Variants in HSPG2 observed in about 807,000 individuals in gnomAD.
HSPG2 encodes the protein heparan sulfate proteoglycan 2.
HSPG2 carries 278 observed loss-of-function variants against 526.6 expected under a neutral mutation model. The ratio of observed to expected loss-of-function variants is 0.53; its 90% CI spans 0.48 to 0.58. The LOEUF is 0.58. HSPG2 is among the 20% of genes least tolerant of loss of function. HSPG2 has a pLI of 0.00. For missense variants in HSPG2, 5,354 were observed against 6,099.5 expected (o/e 0.88, Z 4.07); for synonymous variants, 2,465 against 2,555.4 (o/e 0.96, Z 1.07).
intron 91 of HSPG2, among the ~76,000 whole-genome samples, chr1:21,826,260 A>G (rs1355491788): frequency 6.6e-5 from 10 of 151,802 alleles, no homozygotes; most frequent in Admixed American, 3.3e-4. Context: ...TGTAGAGATG[A>G]GGTCTCCCTG....
Position 21,829,567 on chromosome 1 carries a change from G to T in HSPG2, c.11808C>A (p.Gly3936=), listed in dbSNP as rs2097992852. The T allele has an allele frequency of 6.2e-7, 1 of 1,609,648 alleles. No homozygotes were observed. Among genetic ancestry groups the T allele is most frequent in the Non-Finnish European group, 8.5e-7 (1 of 1,177,576 alleles). ...TGAGGGCGGGCAGTGCCAGGTAGGA[G>T]CCAGCACCCGACAGCGAGGGGGTGG... ...TVTTPSLSGA[G]SYLALPALTN... The change falls in exon 87 of 97, where the codon GGC becomes GGA. Residue 3936 remains glycine, a synonymous_variant. Coordinates refer to ENST00000374695, the MANE Select transcript of HSPG2 (RefSeq NM_005529.7).
chr1:21,858,497 C>A lies in HSPG2; in HGVS notation c.5293+1069G>T, dbSNP rs1451459225. Among the ~76,000 whole-genome samples the A allele has an allele frequency of 6.6e-6, 1 of 152,222 alleles. No homozygotes were observed. The highest frequency in any genetic ancestry group is 1.5e-5 in the Non-Finnish European group (1 of 68,046). On this transcript the variant is annotated intron_variant, in intron 42 of 96. Transcript: ENST00000374695. This position sits in a 1 kb window ranked among gnomAD's most constrained non-coding sequence, Gnocchi z 4.2. The stretch of plus-strand genomic sequence containing the variant: ...TCCCTGTGCCAACAGCAACCATACT[C>A]ATTTCTCTGGCTGGGGCCTCTTACT...
At chr1:21,889,448 A>G (rs1182845333) in intron 6 of HSPG2, among the ~76,000 whole-genome samples, 1 of 152,222 alleles carries the variant, frequency 6.6e-6, no homozygotes, top group Non-Finnish European at 1.5e-5. Context: ...TGCTTCTGTC[A>G]TCACAGGTTC....
chr1:21,831,544 C>T lies in HSPG2; in HGVS notation c.11371G>A (p.Asp3791Asn). The T allele has an allele frequency of 6.2e-7, 1 of 1,614,106 alleles. No individual in the cohort carries two copies. The highest frequency in any genetic ancestry group is 8.5e-7 in the Non-Finnish European group (1 of 1,179,994). Residue 3791 changes from aspartate (D) to asparagine (N), a missense_variant, in exon 83 of 97, where the codon GAT (aspartate) becomes AAT (asparagine). By Grantham distance (23) the Asp-to-Asn change is conservative. Coordinates refer to ENST00000374695, the MANE Select transcript of HSPG2 (RefSeq NM_005529.7). ...GTSQGKFQGL[D>N]LNEELYLGGY... ...CCCAGGTAGAGTTCCTCGTTCAGAT[C>T]CAGGCCCTGGAACTTGCCCTGGGGA...
intron 3 of HSPG2, among the ~76,000 whole-genome samples, chr1:21,892,304 T>TC (rs755248817): frequency 6.6e-5 from 10 of 151,138 alleles, no homozygotes; most frequent in African/African-American, 2.2e-4. Flanking sequence ...CCATTGAGAG[T>TC]CCCCCCACCC....
rs759949207 is a variant in HSPG2 at position 21,880,646 on chromosome 1, C to G, written c.1998+10G>C. 2.3e-5 allele frequency: 37 copies of G among 1,592,444 alleles called. No individual in the cohort carries two copies. The South Asian group carries it at 4.2e-4, about 18-fold the overall frequency. On this transcript the variant is annotated intron_variant, in intron 15 of 96. Coordinates refer to ENST00000374695, the MANE Select transcript of HSPG2 (RefSeq NM_005529.7). Reference sequence around the variant, plus strand: ...TTGCTCCCAGCCCTAAGGGCTCAGGCGCCACCCACCTCAGAGAACTGGACC... The same window carrying G: ...TTGCTCCCAGCCCTAAGGGCTCAGGGGCCACCCACCTCAGAGAACTGGACC...
Position 21,853,050 on chromosome 1 carries a change from T to C in HSPG2, c.6460A>G (p.Ile2154Val), listed in dbSNP as rs1220269515. 1.9e-6 allele frequency: 3 copies of C among 1,613,872 alleles called. No homozygotes were observed. The South Asian group carries it at 3.3e-5, about 18-fold the overall frequency. The change falls in exon 51 of 97, where the codon ATC becomes GTC. Residue 2154 changes from isoleucine to valine, a missense_variant. Ile to Val is a conservative substitution (Grantham distance 29). Coordinates refer to ENST00000374695, the MANE Select transcript of HSPG2 (RefSeq NM_005529.7). ...TGTGAGGAGGAGGGCTCGATGCGGA[T>C]GGGCCGGGTGCTGCCGGGCACTGGA... The part of the protein sequence containing the change: ...YTPVPGSTRP[I>V]RIEPSSSHVA...
rs1368598061 is a variant in HSPG2 at position 21,828,929 on chromosome 1, A to G, written c.12143T>C (p.Leu4048Pro). The G allele has an allele frequency of 1.3e-6, 2 of 1,569,632 alleles. No homozygotes were observed. The highest frequency in any genetic ancestry group is 1.7e-4 in the Middle Eastern group (1 of 5,932). ...ACCCCCCAGGTAGAGCAGGGTGTGC[A>G]GGTTGAGGCCCTGGCTCTTGCCGGG... ...SSPGKSQGLN[L>P]HTLLYLGGVE... The change falls in exon 88 of 97, where the codon CTG becomes CCG. Residue 4048 changes from leucine to proline, a missense_variant. By Grantham distance (98) the Leu-to-Pro change is moderately conservative. Transcript: ENST00000374695. This position sits in a 1 kb window ranked among gnomAD's most constrained non-coding sequence, Gnocchi z 6.0.
At chr1:21,829,921 C>T (rs952007707) in intron 86 of HSPG2, 72 bp downstream of exon 86, 2 of 1,275,972 alleles carry the variant, frequency 1.6e-6, no homozygotes, top group African/African-American at 2.9e-5. Context: ...CCCATCATGG[C>T]CTCAGAGTGC....
In HSPG2 at chr1:21,851,492, G is replaced by A. The variant is rs1236714478; in HGVS notation, c.7158+54C>T. On this transcript the variant is annotated intron_variant, in intron 55 of 96. Transcript: ENST00000374695. ...CTCTAGCCCTCCCCCAATAACCTCC[G>A]CCACCCAGGGACCCGCTTCCTCTTC... 6.2e-6 allele frequency: 10 copies of A among 1,611,192 alleles called. No individual in the cohort carries two copies. In the East Asian group the frequency reaches 6.7e-5, roughly 11 times the overall value.
In HSPG2 at chr1:21,878,185, C is replaced by A. The variant is rs780452661; in HGVS notation, c.2685+1G>T. On this transcript the variant is annotated splice_donor_variant, in intron 21 of 96. Coordinates refer to ENST00000374695, the MANE Select transcript of HSPG2 (RefSeq NM_005529.7). LOFTEE classifies it high-confidence loss of function. ...GGGTGGGTGGCAGATGGCACGCGTA[C>A]CTTACAGCGGCAGGCCTCCCCGGAG... 6.2e-7 allele frequency: 1 copy of A among 1,613,726 alleles called. No homozygotes were observed. The highest frequency in any genetic ancestry group is 8.5e-7 in the Non-Finnish European group (1 of 1,179,868).
chr1:21,880,640 C>A lies in HSPG2; in HGVS notation c.1998+16G>T, dbSNP rs1285415333. On this transcript the variant is annotated intron_variant, in intron 15 of 96. Coordinates refer to ENST00000374695, the MANE Select transcript of HSPG2 (RefSeq NM_005529.7). ...CCCCCTTTGCTCCCAGCCCTAAGGG[C>A]TCAGGCGCCACCCACCTCAGAGAAC... 1 of 1,593,976 alleles carries A rather than the reference C, an allele frequency of 6.3e-7. No homozygotes were observed. The highest frequency in any genetic ancestry group is 8.5e-7 in the Non-Finnish European group (1 of 1,170,500).
At position 21,839,820 on chromosome 1, in the gene HSPG2, A is replaced by C; in HGVS notation, c.9709+2T>G. 2 of 1,613,298 alleles carry C rather than the reference A, an allele frequency of 1.2e-6. No individual in the cohort carries two copies. The highest frequency in any genetic ancestry group is 1.7e-6 in the Non-Finnish European group (2 of 1,180,000). On this transcript the variant is annotated splice_donor_variant, in intron 72 of 96. Coordinates refer to ENST00000374695, the MANE Select transcript of HSPG2 (RefSeq NM_005529.7). LOFTEE classifies it high-confidence loss of function. This position sits in a 1 kb window ranked among gnomAD's most constrained non-coding sequence, Gnocchi z 4.5. ...GCCCTATGTGCCAGCCCTTGGTCAC[A>C]CCTGTGGCTGAGCAGCGCAAGGTGG...
At chr1:21,851,519 T>C (rs1243776146) in intron 55 of HSPG2, 27 bp downstream of exon 55, 2 of 1,613,138 alleles carry the variant, frequency 1.2e-6, no homozygotes, top group Admixed American at 3.3e-5. Context: ...TTCCTCTTCT[T>C]GGCCTGTCTG....
intron 1 of HSPG2, among the ~76,000 whole-genome samples, chr1:21,905,261 CCACACACA>C (rs112940334): frequency 8.9e-5 from 13 of 146,104 alleles, no homozygotes; most frequent in Non-Finnish European, 2.0e-4. Context: ...CCACACACAC[CCACACACA>C]CACACACACA....
chr1:21,867,648 C>T (rs930089053), intron 33 of HSPG2, among the ~76,000 whole-genome samples: 21 of 152,292 alleles, frequency 1.4e-4, no homozygotes, highest in Middle Eastern at 6.8e-3. Context: ...GCTCCACCCT[C>T]GGCTCCAGCA....
chr1:21,881,568 G>A, intron 13 of HSPG2, 66 bp from the exon 14 acceptor site: 7 of 1,376,736 alleles, frequency 5.1e-6, no homozygotes, highest in Non-Finnish European at 6.1e-6. Flanking sequence ...CATCTTGAGG[G>A]GCAGCAATCC....
chr1:21,889,071 G>T (rs188852116), intron 6 of HSPG2, among the ~76,000 whole-genome samples: 2 of 152,148 alleles, frequency 1.3e-5, no homozygotes, highest in Admixed American at 6.5e-5. Flanking sequence ...GACTACAGGC[G>T]CGCACCACCA....
rs7354994 is a variant in HSPG2, at chr1:21,875,387, C to T, written c.3302+242G>A. Among the ~76,000 whole-genome samples, 21,726 of 152,056 alleles carry T rather than the reference C, an allele frequency of 0.14. 1,964 individuals are homozygous for T. Among genetic ancestry groups the T allele is most frequent in the African/African-American group, 0.25 (10,457 of 41,436 alleles). On this transcript the variant is annotated intron_variant, in intron 25 of 96. Coordinates refer to ENST00000374695, the MANE Select transcript of HSPG2 (RefSeq NM_005529.7). Reference sequence around the variant, plus strand: ...CCATATCCCTGCATGGCCCCTCCCCCCTCCTGCGTCCCTCTCCTTGTGAAT... The same window carrying T: ...CCATATCCCTGCATGGCCCCTCCCCTCTCCTGCGTCCCTCTCCTTGTGAAT...
Sources: gnomAD v4.1 joint callset for allele counts (sites outside exome capture counted in the v4.1 genomes callset) on GRCh38, gnomAD v4.1.1 for gene constraint, Gnocchi (gnomAD v3.1) non-coding constraint, MANE v1.5 for transcripts, NCBI Gene and HGNC (gene_info 2026-07-23, HGNC 2026-07-21) for gene names.